The following CA10 variants were observed in gnomAD, a reference collection of about 807,000 sequenced individuals.
The protein encoded by CA10 is carbonic anhydrase-related protein 10.
Under a neutral mutation model 44.2 loss-of-function variants are expected in CA10, and 14 were observed. That is an observed-to-expected ratio of 0.32 (90% CI 0.21 to 0.50). The LOEUF is 0.50. Ranked by LOEUF, CA10 falls within the 20% of genes least tolerant of loss-of-function variation. CA10 has a pLI of 0.99. For missense variants in CA10, 350 were observed against 409.7 expected, an observed-to-expected ratio of 0.85 and a Z score of 1.26; for synonymous variants, 159 against 141.6, an observed-to-expected ratio of 1.12 and a Z score of -0.87.
intron 2 of CA10, among the ~76,000 whole-genome samples, chr17:52,000,674 A>C (rs1047813436): frequency 6.6e-6 from 1 of 152,030 alleles, no homozygotes; most frequent in African/African-American, 2.4e-5. Context: ...AATTCACTGA[A>C]ATAATGATAG....
chr17:51,889,556 A>AC (rs1980765680), intron 3 of CA10, among the ~76,000 whole-genome samples: 1 of 152,062 alleles, frequency 6.6e-6, no homozygotes, highest in African/African-American at 2.4e-5. Context: ...ACCAAACCAA[A>AC]CAAAACAAAA....
chr17:51,898,259 T>C (rs77668755), intron 3 of CA10, among the ~76,000 whole-genome samples: 14,679 of 151,304 alleles, frequency 0.097, 875 homozygotes, highest in African/African-American at 0.17. Context: ...TGGTTTGTTG[T>C]TTTTTTAAAA....
chr17:52,072,461 T>G, intron 1 of CA10, 68 bp from the exon 2 acceptor site: 1 of 1,150,780 alleles, frequency 8.7e-7, no homozygotes, highest in South Asian at 1.3e-5. Context: ...GCTGTCCGAG[T>G]AAGAAGGGTG....
chr17:52,130,444 A>G (rs1989210499), intron 1 of CA10, among the ~76,000 whole-genome samples: 1 of 152,214 alleles, frequency 6.6e-6, no homozygotes, highest in South Asian at 2.1e-4. Flanking sequence ...AATGTGGTAT[A>G]CACACAAATA....
chr17:51,782,268 A>AT (rs1906092775), intron 3 of CA10, among the ~76,000 whole-genome samples: 1 of 152,208 alleles, frequency 6.6e-6, no homozygotes, highest in South Asian at 2.1e-4. Flanking sequence ...AAATGAAAAT[A>AT]TTTTTATCTG....
chr17:52,040,049 G>C (rs1310789103), intron 2 of CA10, among the ~76,000 whole-genome samples: 1 of 152,032 alleles, frequency 6.6e-6, no homozygotes, highest in Admixed American at 6.6e-5. Flanking sequence ...AATGTGTGAA[G>C]GAGTGGGCAA....
rs1480637933 is a variant in CA10, at chr17:52,157,526, A to ACCCC, written c.61+199_61+200insGGGG. ...CTTCTAGGACTGCACACAGATCCTAACCACCCCCCCCCGCAAAACACACAC... is the reference window on the plus strand; with the variant it reads ...CTTCTAGGACTGCACACAGATCCTAACCCCCCACCCCCCCCCGCAAAACACACAC... On this transcript the variant is annotated intron_variant, in intron 1 of 8. Transcript: ENST00000451037. Among the ~76,000 whole-genome samples, 171 of 111,658 alleles carry ACCCC rather than the reference A, an allele frequency of 1.5e-3. 1 individual carries two copies. Among genetic ancestry groups the ACCCC allele is most frequent in the Middle Eastern group, 4.3e-3 (1 of 232 alleles). The allele number at this position is 111,658 out of a possible 152,430, so 73.3% of individuals were successfully genotyped here. A position where few individuals can be genotyped will look rare whatever the true frequency, so the allele number is the denominator to read the frequency against.
chr17:52,051,308 T>G (rs936887431), intron 2 of CA10, among the ~76,000 whole-genome samples: 4 of 151,874 alleles, frequency 2.6e-5, no homozygotes, highest in African/African-American at 9.7e-5. Context: ...TGGGATCTAA[T>G]TAAACTAAAG....
intron 2 of CA10, among the ~76,000 whole-genome samples, chr17:51,998,131 G>T (rs1657449549): frequency 6.6e-6 from 1 of 152,098 alleles, no homozygotes; most frequent in African/African-American, 2.4e-5. Flanking sequence ...ATGCTAAGTT[G>T]TTCCATTAGG....
At chr17:51,765,157 G>T (rs1263436427) in intron 3 of CA10, among the ~76,000 whole-genome samples, 2 of 151,974 alleles carry the variant, frequency 1.3e-5, no homozygotes, top group Admixed American at 6.6e-5. Flanking sequence ...GTTGGGGGGA[G>T]AAGGGGTGGG....
intron 3 of CA10, among the ~76,000 whole-genome samples, chr17:51,809,810 G>A (rs1907285176): frequency 1.3e-5 from 2 of 152,188 alleles, no homozygotes; most frequent in South Asian, 4.1e-4. Flanking sequence ...GGTTGAGGTT[G>A]GGGGTGATTT....
chr17:51,858,602 A>G (rs1430365464), intron 3 of CA10, among the ~76,000 whole-genome samples: 2 of 152,244 alleles, frequency 1.3e-5, no homozygotes, highest in African/African-American at 2.4e-5. Context: ...CTACCTTGCC[A>G]TATTTTAATT....
chr17:52,050,169 C>T (rs911308494), intron 2 of CA10, among the ~76,000 whole-genome samples: 1 of 152,044 alleles, frequency 6.6e-6, no homozygotes, highest in African/African-American at 2.4e-5. Flanking sequence ...CCTGAATCAC[C>T]TATAGTTTAC....
At chr17:52,102,885 T>C (rs2143254056) in intron 1 of CA10, among the ~76,000 whole-genome samples, 1 of 152,352 alleles carries the variant, frequency 6.6e-6, no homozygotes, top group Admixed American at 6.5e-5. Context: ...AAAATTCATG[T>C]CATCCCACAT....
intron 4 of CA10, among the ~76,000 whole-genome samples, chr17:51,699,339 A>AT (rs397763843): frequency 6.6e-6 from 1 of 151,276 alleles, no homozygotes; most frequent in Non-Finnish European, 1.5e-5. Flanking sequence ...AAAAAAAAAA[A>AT]TTATTTCCTT....
At chr17:51,633,359 G>T in intron 8 of CA10, 117 bp downstream of exon 8, 2 of 996,870 alleles carry the variant, frequency 2.0e-6, no homozygotes, top group Non-Finnish European at 2.9e-6. Flanking sequence ...GATGGCTATT[G>T]TCATTTACAG....
chr17:51,697,143 C>T (rs543669818), intron 4 of CA10, among the ~76,000 whole-genome samples: 1 of 151,370 alleles, frequency 6.6e-6, no homozygotes, highest in Non-Finnish European at 1.5e-5. Context: ...CACCTATGTA[C>T]TATCTCCATG....
At chr17:51,753,415 T>C (rs2143618926) in intron 3 of CA10, among the ~76,000 whole-genome samples, 1 of 152,364 alleles carries the variant, frequency 6.6e-6, no homozygotes, top group African/African-American at 2.4e-5. Context: ...TGGGGTCATC[T>C]TTTTTCATTC....
chr17:52,018,936 A>G (rs1386581459), intron 2 of CA10, among the ~76,000 whole-genome samples: 1 of 151,988 alleles, frequency 6.6e-6, no homozygotes, highest in African/African-American at 2.4e-5. Context: ...TTCTCACTCT[A>G]TGAGTTCACA....
Sources: allele counts gnomAD v4.1 joint callset (sites outside exome capture counted in the v4.1 genomes callset), GRCh38; gene constraint gnomAD v4.1.1; transcripts MANE v1.5; gene names NCBI Gene and HGNC (gene_info 2026-07-23, HGNC 2026-07-21).